Variants in GARRE1 observed in about 807,000 individuals in gnomAD.
GARRE1 encodes the protein granule associated Rac and RHOG effector 1.
A neutral mutation model predicts 103.2 loss-of-function variants in GARRE1; 49 were observed. That is an observed-to-expected ratio of 0.47 (90% CI 0.38 to 0.60). The LOEUF is 0.60. GARRE1 is among the 20% of genes least tolerant of loss of function. The pLI is 0.00. For missense variants in GARRE1, 1,199 were observed against 1,370.5 expected (o/e 0.87, Z 1.98); for synonymous variants, 505 against 532.8 (o/e 0.95, Z 0.72).
At chr19:34,312,956 A>C (rs996075520) in intron 2 of GARRE1, among the ~76,000 whole-genome samples, 2 of 152,158 alleles carry the variant, frequency 1.3e-5, no homozygotes, top group African/African-American at 2.4e-5. Flanking sequence ...ATAATAAATA[A>C]ATAAAGGCTG....
In GARRE1 at chr19:34,254,647, G is replaced by T. The variant is rs1275231306; in HGVS notation, c.-796+33G>T. ...GCGGGCGCGGCGGGCGCAGGCGGGG[G>T]CTGGCGGGCGGGGTCGGGCGGTGGG... On this transcript the variant is annotated intron_variant, in intron 1 of 13. Transcript: ENST00000299505. 2.0e-5 allele frequency: 3 copies of T among 146,890 alleles called. No homozygotes were observed. In the East Asian group the frequency reaches 6.0e-4, roughly 29 times the overall value. 9.1% of individuals were successfully genotyped at this position (146,890 alleles called of 1,614,324 possible).
chr19:34,353,039 C>A lies in GARRE1; in HGVS notation c.*84C>A. The A allele has an allele frequency of 7.8e-7, 1 of 1,285,664 alleles. No homozygotes were observed. The highest frequency in any genetic ancestry group is 1.1e-6 in the Non-Finnish European group (1 of 949,500). 79.6% of individuals were successfully genotyped at this position (1,285,664 alleles called of 1,614,324 possible). A position where few individuals can be genotyped will look rare whatever the true frequency, so the allele number is the denominator to read the frequency against. ...GTGTCCCCACCCCAGGGCCACTTAG[C>A]TGACACCAGCCCCTCAGAGGACCAG... is the stretch of plus-strand genomic sequence containing the variant. On this transcript the variant is annotated 3_prime_UTR_variant, in exon 14 of 14. Transcript: ENST00000299505.
Position 34,300,949 on chromosome 19 carries a change from T to G in GARRE1, c.476T>G (p.Phe159Cys). Reference sequence around the variant, plus strand: ...GCAAATTTTACGGATCAGAAGGAATTCAGTCTCCAGGACATTGAGGTAGAG... The same window carrying G: ...GCAAATTTTACGGATCAGAAGGAATGCAGTCTCCAGGACATTGAGGTAGAG... ...GAANFTDQKE[F>C]SLQDIEVLGR... The change falls in exon 2 of 14, where the codon TTC becomes TGC. Residue 159 changes from phenylalanine to cysteine, a missense_variant. Coordinates refer to ENST00000299505, the MANE Select transcript of GARRE1 (RefSeq NM_014686.5). The G allele has an allele frequency of 6.2e-7, 1 of 1,601,754 alleles. No homozygotes were observed. Among genetic ancestry groups the G allele is most frequent in the Non-Finnish European group, 8.5e-7 (1 of 1,179,396 alleles).
At chr19:34,329,762 G>T (rs1166296766) in intron 6 of GARRE1, among the ~76,000 whole-genome samples, 1 of 152,108 alleles carries the variant, frequency 6.6e-6, no homozygotes, top group Non-Finnish European at 1.5e-5. Flanking sequence ...CTTGAACCCA[G>T]GAGGTGGAGG....
chr19:34,305,027 C>T lies in GARRE1; in HGVS notation c.495+4059C>T, dbSNP rs186705243. 4.9e-3 allele frequency among the ~76,000 whole-genome samples: 750 copies of T among 151,982 alleles called. 7 individuals carry two copies. The highest frequency in any genetic ancestry group is 0.017 in the African/African-American group (708 of 41,436). ...CAGGATGGTCTTGATCTCCTGACCT[C>T]GGGATCCGCCCGTCTCGGCCTCCCA... On this transcript the variant is annotated intron_variant, in intron 2 of 13. Coordinates refer to ENST00000299505, the MANE Select transcript of GARRE1 (RefSeq NM_014686.5).
intron 1 of GARRE1, among the ~76,000 whole-genome samples, chr19:34,280,684 A>G (rs916273316): frequency 6.6e-6 from 1 of 152,160 alleles, no homozygotes; most frequent in Non-Finnish European, 1.5e-5. Context: ...ATTCTTTTTG[A>G]TGCTTAAGTT....
At position 34,297,658 on chromosome 19, in the gene GARRE1, G is replaced by A. The variant is rs939411149; in HGVS notation, c.-795-2021G>A. Among the ~76,000 whole-genome samples the A allele has an allele frequency of 2.6e-5, 4 of 152,202 alleles. No individual in the cohort carries two copies. The East Asian group carries it at 5.8e-4, about 22-fold the overall frequency. ...AGTCTCCACGGGAACAGCCTGCCCC[G>A]CTTCAGCATTCCTGTAGAGTGCTTC... On this transcript the variant is annotated intron_variant, in intron 1 of 13. Coordinates refer to ENST00000299505, the MANE Select transcript of GARRE1 (RefSeq NM_014686.5).
In GARRE1 at chr19:34,342,041, C is replaced by A; in HGVS notation, c.2107C>A (p.Pro703Thr). 1 of 1,614,052 alleles carries A rather than the reference C, an allele frequency of 6.2e-7. No homozygotes were observed. The highest frequency in any genetic ancestry group is 8.5e-7 in the Non-Finnish European group (1 of 1,180,030). Reference sequence around the variant, plus strand: ...GCCTGTGCCCCCTCCACCACGGGCACCCCAGGCTGGGGCACACACACCTCT... The same window carrying A: ...GCCTGTGCCCCCTCCACCACGGGCAACCCAGGCTGGGGCACACACACCTCT... ...SLPVPPPPRA[P>T]QAGAHTPLTP... The change falls in exon 10 of 14, where the codon CCC becomes ACC. Residue 703 changes from proline (P) to threonine (T), a missense_variant. Coordinates refer to ENST00000299505, the MANE Select transcript of GARRE1 (RefSeq NM_014686.5).
chr19:34,262,984 C>T (rs528978345), intron 1 of GARRE1, among the ~76,000 whole-genome samples: 21 of 152,086 alleles, frequency 1.4e-4, no homozygotes, highest in Non-Finnish European at 2.4e-4. Context: ...GAGGCTGAGG[C>T]GGGCGGATCA....
chr19:34,263,302 A>AGATG (rs35506272), intron 1 of GARRE1, among the ~76,000 whole-genome samples: 1 of 152,112 alleles, frequency 6.6e-6, no homozygotes, highest in Non-Finnish European at 1.5e-5. Flanking sequence ...ATAGATAGAT[A>AGATG]TACATGAAAT....
intron 1 of GARRE1, among the ~76,000 whole-genome samples, chr19:34,276,294 C>G (rs1259967587): frequency 6.6e-6 from 1 of 152,150 alleles, no homozygotes; most frequent in African/African-American, 2.4e-5. Context: ...CTGCCTGCCT[C>G]GGCCTCCCAA....
At chr19:34,307,639 TTA>T (rs1229213315) in intron 2 of GARRE1, among the ~76,000 whole-genome samples, 2 of 89,658 alleles carry the variant, frequency 2.2e-5, no homozygotes, top group African/African-American at 3.0e-5. Context: ...ACATATATAC[TTA>T]TATATACATA....
At chr19:34,275,646 T>G (rs1568525854) in intron 1 of GARRE1, among the ~76,000 whole-genome samples, 1 of 152,240 alleles carries the variant, frequency 6.6e-6, no homozygotes, top group Non-Finnish European at 1.5e-5. Context: ...TTTGAGTTGT[T>G]TCCAGTTTTT....
In GARRE1 at chr19:34,354,739, TGA is replaced by T. The variant is rs1274624253; in HGVS notation, c.*1788_*1789del. ...ATGTATGTAAACACACACACTAATT[TGA>T]GAGGACCCGTAGGGTGTCTGAGCCC... On this transcript the variant is annotated 3_prime_UTR_variant, in exon 14 of 14. Coordinates refer to ENST00000299505, the MANE Select transcript of GARRE1 (RefSeq NM_014686.5). 1 of 152,582 alleles carries T rather than the reference TGA, an allele frequency of 6.6e-6. No homozygotes were observed. The highest frequency in any genetic ancestry group is 1.5e-5 in the Non-Finnish European group (1 of 68,036). 9.5% of individuals were successfully genotyped at this position (152,582 alleles called of 1,614,324 possible).
In GARRE1 at chr19:34,327,480, A is replaced by G. The variant is rs746734257; in HGVS notation, c.765A>G (p.Gln255=). ...CDGCLAGIEV[Q]QLFCSQSAAI... The stretch of plus-strand genomic sequence containing the variant: ...GTTGCCTGGCAGGAATTGAAGTTCA[A>G]CAACTCTTTTGTTCTCAAAGTGCAG... The change falls in exon 4 of 14, where the codon CAA becomes CAG. Residue 255 remains glutamine (Q), a synonymous_variant. Transcript: ENST00000299505. The G allele has an allele frequency of 2.5e-6, 4 of 1,614,172 alleles. No individual in the cohort carries two copies. Among genetic ancestry groups the G allele is most frequent in the East Asian group, 4.5e-5 (2 of 44,876 alleles).
In GARRE1 at chr19:34,355,367, C is replaced by T. The variant is rs2074266589; in HGVS notation, c.*2412C>T. 1 of 152,686 alleles carries T rather than the reference C, an allele frequency of 6.5e-6. No individual in the cohort carries two copies. Among genetic ancestry groups the T allele is most frequent in the Admixed American group, 6.5e-5 (1 of 15,284 alleles). 9.5% of individuals were successfully genotyped at this position (152,686 alleles called of 1,614,324 possible). ...CAGGTGCTGCGCTTGGCAGAGGGGT[C>T]TCGCCAAAGCGCATGTGTGTGCATG... is the stretch of plus-strand genomic sequence containing the variant. On this transcript the variant is annotated 3_prime_UTR_variant, in exon 14 of 14. Transcript: ENST00000299505.
chr19:34,288,552 G>A (rs939132207), intron 1 of GARRE1, among the ~76,000 whole-genome samples: 4 of 152,142 alleles, frequency 2.6e-5, no homozygotes, highest in African/African-American at 9.7e-5. Flanking sequence ...GGGCTTGCCC[G>A]CTAGTCTGTA....
chr19:34,285,812 A>T (rs1455565492), intron 1 of GARRE1, among the ~76,000 whole-genome samples: 4 of 152,020 alleles, frequency 2.6e-5, no homozygotes, highest in Non-Finnish European at 5.9e-5. Flanking sequence ...ATGACATTTT[A>T]AAAAAATTCA....
At position 34,352,848 on chromosome 19, in the gene GARRE1, A is replaced by AGGCCCCCC; in HGVS notation, c.3106_3107insGGCCCCCC (p.Thr1036ArgfsTer58). 6.3e-7 allele frequency: 1 copy of AGGCCCCCC among 1,591,596 alleles called. No homozygotes were observed. The highest frequency in any genetic ancestry group is 8.6e-7 in the Non-Finnish European group (1 of 1,166,582). ...TGCCGCTGCCTTCTCCTATGTGCAG[A>AGGCCCCCC]CCCCACCCCAGCCCCCACCCCCACC... On this transcript the variant is annotated frameshift_variant, in exon 14 of 14. Transcript: ENST00000299505. LOFTEE classifies it high-confidence loss of function.
Sources: allele counts gnomAD v4.1 joint callset (sites outside exome capture counted in the v4.1 genomes callset), GRCh38; gene constraint gnomAD v4.1.1; transcripts MANE v1.5; gene names NCBI Gene and HGNC (gene_info 2026-07-23, HGNC 2026-07-21).